PASK: variants seen among roughly 807,000 people sequenced by gnomAD.
PASK encodes PAS domain containing serine/threonine kinase.
Under a neutral mutation model 121.0 loss-of-function variants are expected in PASK, and 110 were observed. The observed-to-expected ratio is 0.91, with a 90% CI of 0.78 to 1.06. The LOEUF is 1.06. Among genes scored for constraint, PASK ranks in the 50% least tolerant of loss-of-function variants. The probability of loss-of-function intolerance (pLI) is 0.00; values close to 1 mark genes in which losing one functional copy is unlikely to be tolerated. For synonymous variants in PASK, 686 were observed against 717.8 expected (o/e 0.96, Z 0.71); for missense variants, 1,643 against 1,702.3 (o/e 0.97, Z 0.61).
At chr2:241,134,681 C>A (rs969724402) in intron 8 of PASK, 1 of 152,370 alleles carries the variant, frequency 6.6e-6, no homozygotes, top group East Asian at 1.9e-4. Flanking sequence ...CAAGCCAGCA[C>A]CTGCCGACCC....
intron 9 of PASK, among the ~76,000 whole-genome samples, chr2:241,132,052 CAAAAAA>C (rs36063946): frequency 4.8e-5 from 4 of 83,746 alleles, no homozygotes; most frequent in Admixed American, 1.3e-4. Flanking sequence ...GACTCCATCT[CAAAAAA>C]AAAAAAAAAA....
Position 241,138,570 on chromosome 2 carries a change from T to G in PASK, c.741+84A>C, listed in dbSNP as rs185190604. The G allele has an allele frequency of 2.7e-6, 4 of 1,477,130 alleles. No homozygotes were observed. In the East Asian group the frequency reaches 9.0e-5, roughly 33 times the overall value. 91.5% of individuals were successfully genotyped at this position (1,477,130 alleles called of 1,614,324 possible). On this transcript the variant is annotated intron_variant, in intron 5 of 17. Transcript: ENST00000234040. ...CATCCTCTCTTTCTTCCCAAAGGAA[T>G]GAGACAGGGACCAGCACTTGCTGAA...
chr2:241,106,721 T>C lies in PASK; in HGVS notation c.3817A>G (p.Ser1273Gly), dbSNP rs751867270. Residue 1273 changes from serine to glycine, a missense_variant and splice_region_variant, in exon 18 of 18, where the codon AGT becomes GGT. By Grantham distance (56) the Ser-to-Gly change is moderately conservative. Transcript: ENST00000234040. ...EEVFRVNKPESGVLSAASLEM... is the reference protein window; with the variant it reads ...EEVFRVNKPEGGVLSAASLEM... ...AGGCTCGCAGCGGACAGAACTCCAC[T>C]TTCTGAAGAAACAAGAAGGTAACTG... The C allele has an allele frequency of 3.1e-6, 5 of 1,613,994 alleles. No individual in the cohort carries two copies. Among genetic ancestry groups the C allele is most frequent in the Non-Finnish European group, 4.2e-6 (5 of 1,179,928 alleles).
At chr2:241,145,971 G>A (rs2066935633) in intron 1 of PASK, 1 of 151,044 alleles carries the variant, frequency 6.6e-6, no homozygotes, top group African/African-American at 2.4e-5. Flanking sequence ...TGAGAACACA[G>A]CTTCACAAAG....
At chr2:241,137,880 C>A in intron 6 of PASK, 73 bp downstream of exon 6, 2 of 1,551,746 alleles carry the variant, frequency 1.3e-6, no homozygotes, top group Non-Finnish European at 1.8e-6. Context: ...AACCCTTGGT[C>A]TGCGTCTCCA....
rs1291710679 is a variant in PASK, at chr2:241,149,431, C to A, written c.-60G>T. ...TATCTCACCTGGATCAGGCGAGGGT[C>A]ACGCCAAGCCGGCTACACACCACGG... is the stretch of plus-strand genomic sequence containing the variant. On this transcript the variant is annotated 5_prime_UTR_variant, in exon 1 of 18. Transcript: ENST00000234040. 4.9e-5 allele frequency: 27 copies of A among 549,250 alleles called. No homozygotes were observed. In the East Asian group the frequency reaches 8.1e-4, roughly 16 times the overall value. 34.0% of individuals were successfully genotyped at this position (549,250 alleles called of 1,614,324 possible). A position where few individuals can be genotyped will look rare whatever the true frequency, so the allele number is the denominator to read the frequency against.
chr2:241,111,532 G>A (rs945386657), intron 15 of PASK, among the ~76,000 whole-genome samples: 3 of 152,106 alleles, frequency 2.0e-5, no homozygotes, highest in East Asian at 1.9e-4. Flanking sequence ...GACAGTGATC[G>A]GGCACGTCAG....
At chr2:241,140,157 G>T in intron 3 of PASK, 102 bp from the exon 4 acceptor site, 2 of 902,102 alleles carry the variant, frequency 2.2e-6, no homozygotes, top group Middle Eastern at 2.1e-4. Flanking sequence ...GCCTTTTCCT[G>T]ACAGACAGGG....
At chr2:241,138,206 G>A (rs1264212344) in intron 5 of PASK, 119 bp from the exon 6 acceptor site, 3 of 993,380 alleles carry the variant, frequency 3.0e-6, no homozygotes, top group Admixed American at 2.0e-5. Flanking sequence ...CCATCGGAAG[G>A]GCAAGAGACA....
chr2:241,126,225 C>T lies in PASK; in HGVS notation c.2690G>A (p.Ser897Asn). Residue 897 changes from serine (S) to asparagine (N), a missense_variant, in exon 10 of 18, where the codon AGC becomes AAC. Coordinates refer to ENST00000234040, the MANE Select transcript of PASK (RefSeq NM_015148.4). ...CCGTAAGCCATCTCGATGGTAGCAG[C>T]TCCCGGAGTAGGCACCCTCCTGGAT... Reference protein sequence around the residue: ...REIQEGAYSGSCYHRDGLRLS... With the variant: ...REIQEGAYSGNCYHRDGLRLS... The T allele has an allele frequency of 3.7e-6, 6 of 1,614,106 alleles. No homozygotes were observed. The highest frequency in any genetic ancestry group is 4.2e-6 in the Non-Finnish European group (5 of 1,180,036).
chr2:241,130,815 G>A (rs532357728), intron 9 of PASK, among the ~76,000 whole-genome samples: 15 of 152,250 alleles, frequency 9.9e-5, no homozygotes, highest in Admixed American at 7.2e-4. Flanking sequence ...AGGAGGCTTC[G>A]GTTCCGAGGA....
rs746012474 is a variant in PASK at position 241,108,258 on chromosome 2, A to C, written c.3576T>G (p.Thr1192=). 1 of 1,613,986 alleles carries C rather than the reference A, an allele frequency of 6.2e-7. No homozygotes were observed. Among genetic ancestry groups the C allele is most frequent in the East Asian group, 2.2e-5 (1 of 44,876 alleles). Residue 1192 remains threonine, a synonymous_variant, in exon 16 of 18, where the codon ACT becomes ACG. Coordinates refer to ENST00000234040, the MANE Select transcript of PASK (RefSeq NM_015148.4). This position sits in a 1 kb window ranked among gnomAD's most constrained non-coding sequence, Gnocchi z 5.2. ...TCTCCTCAAAGACCAGCGTGTACAG[A>C]GTGACTCCCAGAGACCACATCTCCA... ...PELEMWSLGV[T]LYTLVFEENP...
intron 10 of PASK, among the ~76,000 whole-genome samples, chr2:241,125,609 G>GAAAAAAAAAAAAA (rs11353969): frequency 8.4e-6 from 1 of 118,400 alleles, no homozygotes; most frequent in African/African-American, 2.9e-5. Context: ...CAAAAAAAAA[G>GAAAAAAAAAAAAA]AAAAAAAAAA....
intron 8 of PASK, among the ~76,000 whole-genome samples, chr2:241,135,075 C>T (rs1039752190): frequency 3.3e-5 from 5 of 152,242 alleles, no homozygotes. Context: ...TCTACTGCCC[C>T]TCATTGCTCC....
chr2:241,119,217 A>G (rs2125414734), intron 12 of PASK, among the ~76,000 whole-genome samples: 1 of 152,288 alleles, frequency 6.6e-6, no homozygotes, highest in East Asian at 1.9e-4. Flanking sequence ...GCTGCCAGTA[A>G]CGGCGTCCGT....
rs764439031 is a variant in PASK at position 241,138,072 on chromosome 2, A to T, written c.757T>A (p.Cys253Ser). The T allele has an allele frequency of 3.1e-6, 5 of 1,614,220 alleles. No individual in the cohort carries two copies. The highest frequency in any genetic ancestry group is 1.7e-5 in the Admixed American group (1 of 60,030). ...AFQSDGTVTS[C>S]DSLFAHLHGY... Reference sequence around the variant, plus strand: ...TGAAGATGAGCAAAGAGACTGTCACATGACGTGACGGTGCCCTGGAGGAAA... The same window carrying T: ...TGAAGATGAGCAAAGAGACTGTCACTTGACGTGACGGTGCCCTGGAGGAAA... The change falls in exon 6 of 18, where the codon TGT (cysteine) becomes AGT (serine). Residue 253 changes from cysteine (C) to serine (S), a missense_variant. Transcript: ENST00000234040.
intron 9 of PASK, 88 bp from the exon 10 acceptor site, chr2:241,127,539 A>G (rs1451160362): frequency 8.9e-7 from 1 of 1,121,150 alleles, no homozygotes; most frequent in Non-Finnish European, 1.4e-6. Context: ...AGAACTAAGT[A>G]CAAAGCATTT....
chr2:241,106,314 TTAA>T lies in PASK; in HGVS notation c.*249_*251del. 1 of 536,940 alleles carries T rather than the reference TTAA, an allele frequency of 1.9e-6. No homozygotes were observed. Among genetic ancestry groups the T allele is most frequent in the Non-Finnish European group, 3.3e-6 (1 of 300,252 alleles). The allele number at this position is 536,940 out of a possible 1,614,324, so 33.3% of individuals were successfully genotyped here. ...CAGAAGTTCACAAATTAAAAGCCCT[TTAA>T]TAATATAAAACAGTTGAACACTGGA... On this transcript the variant is annotated 3_prime_UTR_variant, in exon 18 of 18. Transcript: ENST00000234040.
At chr2:241,147,151 T>C (rs370774402) in intron 1 of PASK, among the ~76,000 whole-genome samples, 1 of 152,198 alleles carries the variant, frequency 6.6e-6, no homozygotes, top group Non-Finnish European at 1.5e-5. Flanking sequence ...ATGATTATAG[T>C]GTGAGGCAGT....
Sources: gnomAD v4.1 joint callset for allele counts (sites outside exome capture counted in the v4.1 genomes callset) on GRCh38, gnomAD v4.1.1 for gene constraint, Gnocchi (gnomAD v3.1) non-coding constraint, MANE v1.5 for transcripts, NCBI Gene and HGNC (gene_info 2026-07-23, HGNC 2026-07-21) for gene names.